The following LRRC4C variants were observed in gnomAD, a reference collection of about 807,000 sequenced individuals.
LRRC4C encodes leucine-rich repeat-containing protein 4C.
A neutral mutation model predicts 33.6 loss-of-function variants in LRRC4C; 5 were observed. The ratio of observed to expected loss-of-function variants is 0.15; its 90% confidence interval spans 0.08 to 0.31. The LOEUF (loss-of-function observed/expected upper bound fraction) is 0.31. Among genes scored for constraint, LRRC4C ranks in the 10% least tolerant of loss-of-function variants. LRRC4C has a pLI of 1.00. For missense variants in LRRC4C, 560 were observed against 796.7 expected, an observed-to-expected ratio of 0.70 and a Z score of 3.58; for synonymous variants, 329 against 302.0, an observed-to-expected ratio of 1.09 and a Z score of -0.93.
At chr11:41,018,076 G>A (rs776638492) in intron 1 of LRRC4C, among the ~76,000 whole-genome samples, 21 of 151,736 alleles carry the variant, frequency 1.4e-4, no homozygotes, top group Non-Finnish European at 2.9e-4. Context: ...TGGACCAGGG[G>A]CAATAAAATA....
intron 3 of LRRC4C, among the ~76,000 whole-genome samples, chr11:40,499,223 A>T (rs1408927124): frequency 6.6e-6 from 1 of 152,126 alleles, no homozygotes; most frequent in Non-Finnish European, 1.5e-5. Flanking sequence ...GGTGAACAGC[A>T]TGTCTCGGCT....
At chr11:40,518,251 T>C (rs530662029) in intron 3 of LRRC4C, among the ~76,000 whole-genome samples, 320 of 152,102 alleles carry the variant, frequency 2.1e-3, no homozygotes, top group Non-Finnish European at 2.5e-3. Context: ...AAAGCCAAAA[T>C]TGACAAATGG....
chr11:40,391,567 AAGG>A (rs1459281405), intron 3 of LRRC4C, among the ~76,000 whole-genome samples: 1 of 152,224 alleles, frequency 6.6e-6, no homozygotes, highest in African/African-American at 2.4e-5. Context: ...TGAAAAAATA[AAGG>A]AGAAGTATTT....
At chr11:40,633,341 C>G (rs1221276180) in intron 3 of LRRC4C, among the ~76,000 whole-genome samples, 1 of 31,154 alleles carries the variant, frequency 3.2e-5, no homozygotes, top group African/African-American at 1.3e-4. Context: ...TTCTTTCTTT[C>G]TTTCTTTCTT....
intron 1 of LRRC4C, among the ~76,000 whole-genome samples, chr11:41,303,508 C>T (rs1950350577): frequency 7.9e-6 from 1 of 127,102 alleles, no homozygotes; most frequent in South Asian, 2.7e-4. Flanking sequence ...CCGGCCGCCA[C>T]CCCATCTGGG....
chr11:40,523,778 A>G (rs56376896), intron 3 of LRRC4C, among the ~76,000 whole-genome samples: 9,796 of 152,050 alleles, frequency 0.064, 821 homozygotes, highest in African/African-American at 0.2. Context: ...TTTTCTGACT[A>G]ATGAGACAGT....
At chr11:40,961,162 T>A (rs1341125787) in intron 1 of LRRC4C, among the ~76,000 whole-genome samples, 1 of 151,734 alleles carries the variant, frequency 6.6e-6, no homozygotes, top group Non-Finnish European at 1.5e-5. Context: ...ATTACAAATC[T>A]TCTGATAATA....
In LRRC4C at chr11:40,625,901, C is replaced by G. The variant is rs1962883241; in HGVS notation, c.-270+22241G>C. Among the ~76,000 whole-genome samples, 3 of 152,076 alleles carry G rather than the reference C, an allele frequency of 2.0e-5. No individual in the cohort carries two copies. In the South Asian group the frequency reaches 6.2e-4, roughly 32 times the overall value. ...TCCTGGATGATCTTTCTAAGGAGAC[C>G]TTCCTCTTCCTCTCACCAAGTCTAA... On this transcript the variant is annotated intron_variant, in intron 3 of 6. Transcript: ENST00000528697.
intron 1 of LRRC4C, among the ~76,000 whole-genome samples, chr11:40,956,994 G>A (rs554267790): frequency 6.6e-6 from 1 of 151,842 alleles, no homozygotes; most frequent in African/African-American, 2.4e-5. Context: ...TGAAAGCAAT[G>A]TTTAGTAAAG....
At chr11:40,982,363 A>G (rs1565268286) in intron 1 of LRRC4C, among the ~76,000 whole-genome samples, 4 of 152,244 alleles carry the variant, frequency 2.6e-5, no homozygotes, top group Admixed American at 2.6e-4. Context: ...CTGATATAAA[A>G]CAGAGTCACC....
At chr11:40,903,222 A>T (rs2136205174) in intron 2 of LRRC4C, among the ~76,000 whole-genome samples, 1 of 152,302 alleles carries the variant, frequency 6.6e-6, no homozygotes, top group East Asian at 1.9e-4. Flanking sequence ...CTTGTGCTCT[A>T]TAAATGGAAC....
At chr11:40,867,702 T>G (rs1375917558) in intron 2 of LRRC4C, among the ~76,000 whole-genome samples, 1 of 152,172 alleles carries the variant, frequency 6.6e-6, no homozygotes, top group Non-Finnish European at 1.5e-5. Flanking sequence ...TCAATATACT[T>G]ATGATGCTAA....
In LRRC4C at chr11:40,656,219, C is replaced by CT. The variant is rs34957438; in HGVS notation, c.-406-7942dup. ...ATAAAGCAGATTCCGTACTGTTTTT[C>CT]TTTTTTTTTTTGTCCACTCATCTCT... On this transcript the variant is annotated intron_variant, in intron 2 of 6. Transcript: ENST00000528697. 6.2e-3 allele frequency among the ~76,000 whole-genome samples: 906 copies of CT among 146,756 alleles called. 6 individuals carry two copies. The highest frequency in any genetic ancestry group is 0.015 in the African/African-American group (597 of 39,920).
intron 1 of LRRC4C, among the ~76,000 whole-genome samples, chr11:41,447,853 A>C (rs745620107): frequency 2.0e-5 from 3 of 152,174 alleles, no homozygotes; most frequent in Non-Finnish European, 4.4e-5. Flanking sequence ...ATATTGTACA[A>C]ATACTTGTGT....
chr11:40,679,352 G>A (rs758281243), intron 2 of LRRC4C, among the ~76,000 whole-genome samples: 3 of 152,168 alleles, frequency 2.0e-5, no homozygotes, highest in Non-Finnish European at 4.4e-5. Flanking sequence ...ATTCTCTGAG[G>A]AGAAATTCAA....
At chr11:40,820,075 T>C (rs934704759) in intron 2 of LRRC4C, among the ~76,000 whole-genome samples, 1 of 151,970 alleles carries the variant, frequency 6.6e-6, no homozygotes, top group South Asian at 2.1e-4. Flanking sequence ...GCACATTCTA[T>C]AAAATGTCTG....
Position 41,393,310 on chromosome 11 carries a change from G to A in LRRC4C, c.-496+66121C>T, listed in dbSNP as rs575226048. ...TGCTGGGGTTGCTCAATGGATCTGT[G>A]ACACCAAAAAGGCCTTTTTCCTTTG... On this transcript the variant is annotated intron_variant, in intron 1 of 6. Coordinates refer to ENST00000528697, the MANE Select transcript of LRRC4C (RefSeq NM_001258419.2). 1.8e-3 allele frequency among the ~76,000 whole-genome samples: 271 copies of A among 151,954 alleles called. 2 individuals carry two copies. The highest frequency in any genetic ancestry group is 6.2e-3 in the African/African-American group (256 of 41,496).
At chr11:40,402,654 A>G (rs1949803864) in intron 3 of LRRC4C, among the ~76,000 whole-genome samples, 1 of 152,110 alleles carries the variant, frequency 6.6e-6, no homozygotes, top group Non-Finnish European at 1.5e-5. Context: ...CCCCTAAACA[A>G]TAATCAATTC....
intron 3 of LRRC4C, among the ~76,000 whole-genome samples, chr11:40,592,151 T>C (rs541425744): frequency 6.6e-6 from 1 of 152,302 alleles, no homozygotes; most frequent in Non-Finnish European, 1.5e-5. Flanking sequence ...CCTCCCCTTT[T>C]GGAGAAATTA....
Sources: allele counts gnomAD v4.1 joint callset (sites outside exome capture counted in the v4.1 genomes callset), GRCh38; gene constraint gnomAD v4.1.1; transcripts MANE v1.5; gene names NCBI Gene and HGNC (gene_info 2026-07-23, HGNC 2026-07-21).